CYYR1: variants seen among roughly 807,000 people sequenced by gnomAD.
CYYR1 encodes the protein cysteine and tyrosine rich 1.
In CYYR1, 14 loss-of-function variants were observed where a neutral mutation model predicts 15.2. The observed-to-expected ratio is 0.92, with a 90% CI of 0.61 to 1.44. CYYR1 has a LOEUF of 1.44. Among genes scored for constraint, CYYR1 ranks in the 40% most tolerant of loss-of-function variants. The probability of loss-of-function intolerance (pLI) is 0.00; values close to 1 mark genes in which losing one functional copy is unlikely to be tolerated. For synonymous variants in CYYR1, 80 were observed against 77.4 expected (o/e 1.03, Z -0.18); for missense variants, 228 against 209.5 (o/e 1.09, Z -0.54).
At chr21:26,474,408 C>CTT (rs35912064) in intron 3 of CYYR1, among the ~76,000 whole-genome samples, 2,824 of 125,516 alleles carry the variant, frequency 0.022, 118 homozygotes, top group African/African-American at 0.074. Context: ...TACACCGTGC[C>CTT]TTTTTTTTTT....
rs757535621 is a variant in CYYR1, at chr21:26,480,269, C to T, written c.334+3G>A. 2 of 1,604,540 alleles carry T rather than the reference C, an allele frequency of 1.2e-6. No individual in the cohort carries two copies. Among genetic ancestry groups the T allele is most frequent in the East Asian group, 2.2e-5 (1 of 44,730 alleles). ...GCCTTCGAGAGTCAACAGTTTTGCT[C>T]ACCAGGATAGGAGGAGACGGTGTTG... On this transcript the variant is annotated splice_donor_region_variant and intron_variant, in intron 3 of 3. Coordinates refer to ENST00000652641, the MANE Select transcript of CYYR1 (RefSeq NM_001320768.2).
intron 1 of CYYR1, among the ~76,000 whole-genome samples, chr21:26,567,008 CAAAAA>C (rs71183563): frequency 1.2e-4 from 15 of 129,742 alleles, no homozygotes; most frequent in South Asian, 2.5e-4. Context: ...GGCTCTGTCT[CAAAAA>C]AAAAAAAAAA....
At chr21:26,470,643 T>C (rs981818050) in intron 3 of CYYR1, 32 of 152,486 alleles carry the variant, frequency 2.1e-4, no homozygotes, top group African/African-American at 7.2e-4. Flanking sequence ...CATCCAGTGG[T>C]ACTGTGAGTC....
rs767730490 is a variant in CYYR1 at position 26,573,139 on chromosome 21, C to G, written c.-199G>C. On this transcript the variant is annotated 5_prime_UTR_variant, in exon 1 of 4. Coordinates refer to ENST00000652641, the MANE Select transcript of CYYR1 (RefSeq NM_001320768.2). ...CCAGCGACTGCGGGACTCCGCGGAG[C>G]TGGGGCGCCCGTGGCCCGAGACGGG... 7 of 1,495,560 alleles carry G rather than the reference C, an allele frequency of 4.7e-6. No individual in the cohort carries two copies. The South Asian group carries it at 5.0e-5, about 11-fold the overall frequency. The allele number at this position is 1,495,560 out of a possible 1,614,324, so 92.6% of individuals were successfully genotyped here. A position where few individuals can be genotyped will look rare whatever the true frequency, so the allele number is the denominator to read the frequency against.
intron 2 of CYYR1, among the ~76,000 whole-genome samples, chr21:26,544,464 G>A (rs1251830541): frequency 6.6e-6 from 1 of 151,998 alleles, no homozygotes; most frequent in Non-Finnish European, 1.5e-5. Flanking sequence ...GAATCCCAAG[G>A]GCAATAAAAG....
At chr21:26,523,430 A>G (rs1203055782) in intron 2 of CYYR1, among the ~76,000 whole-genome samples, 1 of 152,138 alleles carries the variant, frequency 6.6e-6, no homozygotes, top group African/African-American at 2.4e-5. Flanking sequence ...ATAAAATACC[A>G]ATCAGATCAT....
intron 2 of CYYR1, among the ~76,000 whole-genome samples, chr21:26,540,397 T>G (rs1978465094): frequency 6.6e-6 from 1 of 152,058 alleles, no homozygotes; most frequent in Non-Finnish European, 1.5e-5. Context: ...CAGAAACCCT[T>G]GGGGTGTACT....
chr21:26,549,177 A>G (rs1003564149), intron 2 of CYYR1, among the ~76,000 whole-genome samples: 1 of 152,218 alleles, frequency 6.6e-6, no homozygotes. Flanking sequence ...CTTAGGATAC[A>G]TCGTTCCAGG....
intron 2 of CYYR1, among the ~76,000 whole-genome samples, chr21:26,541,252 G>A (rs901179214): frequency 6.6e-6 from 1 of 151,992 alleles, no homozygotes; most frequent in Non-Finnish European, 1.5e-5. Flanking sequence ...CCATTTTACA[G>A]ACTCAAAAAC....
intron 3 of CYYR1, among the ~76,000 whole-genome samples, chr21:26,472,488 T>C (rs1007961035): frequency 6.6e-6 from 1 of 152,136 alleles, no homozygotes; most frequent in East Asian, 1.9e-4. Context: ...AATATTTTAG[T>C]AAATTAAGTA....
Position 26,521,758 on chromosome 21 carries a change from A to T in CYYR1, c.177-41329T>A, listed in dbSNP as rs148600474. Among the ~76,000 whole-genome samples, 112 of 152,314 alleles carry T rather than the reference A, an allele frequency of 7.4e-4. 1 individual carries two copies. Among genetic ancestry groups the T allele is most frequent in the African/African-American group, 2.6e-3 (108 of 41,572 alleles). On this transcript the variant is annotated intron_variant, in intron 2 of 3. Transcript: ENST00000652641. ...AGGTTACTCATGACAGGGCCTCTAG[A>T]TAGAGGCAGGACAATTATATATCAA...
chr21:26,475,954 CTGA>C (rs1303188114), intron 3 of CYYR1, among the ~76,000 whole-genome samples: 1 of 152,078 alleles, frequency 6.6e-6, no homozygotes, highest in Non-Finnish European at 1.5e-5. Flanking sequence ...AGTTACACAT[CTGA>C]TGAAGATTGT....
At chr21:26,531,306 C>T (rs747666766) in intron 2 of CYYR1, among the ~76,000 whole-genome samples, 26 of 152,204 alleles carry the variant, frequency 1.7e-4, no homozygotes, top group East Asian at 7.7e-4. Flanking sequence ...TCTCATCCCG[C>T]GGCTGAAATT....
At chr21:26,545,987 A>G (rs1283544425) in intron 2 of CYYR1, among the ~76,000 whole-genome samples, 1 of 152,214 alleles carries the variant, frequency 6.6e-6, no homozygotes, top group Non-Finnish European at 1.5e-5. Flanking sequence ...GTCCAGGTTG[A>G]ATATCAGAGA....
intron 2 of CYYR1, among the ~76,000 whole-genome samples, chr21:26,552,478 T>C (rs192335145): frequency 6.6e-6 from 1 of 152,276 alleles, no homozygotes; most frequent in Non-Finnish European, 1.5e-5. Flanking sequence ...AATGTAATTA[T>C]TGATATGTTT....
At chr21:26,504,623 C>T (rs1241622026) in intron 2 of CYYR1, among the ~76,000 whole-genome samples, 1 of 152,082 alleles carries the variant, frequency 6.6e-6, no homozygotes, top group Non-Finnish European at 1.5e-5. Context: ...ATGAAGTATC[C>T]ATCCCCTCAA....
chr21:26,573,075 G>A lies in CYYR1; in HGVS notation c.-135C>T, dbSNP rs760365559. On this transcript the variant is annotated 5_prime_UTR_variant, in exon 1 of 4. Coordinates refer to ENST00000652641, the MANE Select transcript of CYYR1 (RefSeq NM_001320768.2). ...GAGCAGAGACCCGGCCATTGCCTAG[G>A]GAGCCTTCCAAGGGAGCCCGGGCCG... 11 of 1,553,056 alleles carry A rather than the reference G, an allele frequency of 7.1e-6. No homozygotes were observed. In the Admixed American group the frequency reaches 1.4e-4, roughly 19 times the overall value.
intron 2 of CYYR1, among the ~76,000 whole-genome samples, chr21:26,533,591 C>T (rs756788615): frequency 5.7e-4 from 86 of 152,038 alleles, no homozygotes; most frequent in South Asian, 2.1e-3. Context: ...ATCTTCTTCC[C>T]CCAGTCCACG....
intron 2 of CYYR1, among the ~76,000 whole-genome samples, chr21:26,522,091 T>C (rs1008177668): frequency 1.3e-5 from 2 of 152,160 alleles, no homozygotes; most frequent in African/African-American, 4.8e-5. Context: ...TGAACAAAGA[T>C]TTCACCTTTA....
Sources: allele counts gnomAD v4.1 joint callset (sites outside exome capture counted in the v4.1 genomes callset), GRCh38; gene constraint gnomAD v4.1.1; transcripts MANE v1.5; gene names NCBI Gene and HGNC (gene_info 2026-07-23, HGNC 2026-07-21).